Variants in SLC25A25 observed in about 807,000 individuals in gnomAD.
The protein encoded by SLC25A25 is solute carrier family 25 member 25, also known as mitochondrial adenyl nucleotide antiporter SLC25A25.
Under a neutral mutation model 57.7 loss-of-function variants are expected in SLC25A25, and 32 were observed. The observed-to-expected ratio is 0.55, with a 90% confidence interval of 0.42 to 0.74. The LOEUF (loss-of-function observed/expected upper bound fraction) is 0.74. Among genes scored for constraint, SLC25A25 ranks in the 30% least tolerant of loss-of-function variants. The pLI, the probability that SLC25A25 is intolerant of heterozygous loss-of-function variation, is 0.00. For missense variants in SLC25A25, 556 were observed against 701.3 expected, an observed-to-expected ratio of 0.79 and a Z score of 2.34; for synonymous variants, 306 against 291.2, an observed-to-expected ratio of 1.05 and a Z score of -0.52.
At position 128,080,662 on chromosome 9, in the gene SLC25A25, T is replaced by C. The variant is rs192992888; in HGVS notation, c.261+12082T>C. Among the ~76,000 whole-genome samples the C allele has an allele frequency of 1.8e-3, 281 of 152,126 alleles. 2 individuals are homozygous for C. Among genetic ancestry groups the C allele is most frequent in the African/African-American group, 6.1e-3 (255 of 41,502 alleles). ...CTGGTCTCGAACTCCCAACCTCAGG[T>C]GATCCACCCACCTCGGCCTCCCAAA... is the stretch of plus-strand genomic sequence containing the variant. On this transcript the variant is annotated intron_variant, in intron 1 of 10. Coordinates refer to ENST00000373069, the MANE Select transcript of SLC25A25 (RefSeq NM_001330988.2).
At chr9:128,087,832 C>T (rs1833311865) in intron 1 of SLC25A25, among the ~76,000 whole-genome samples, 1 of 152,152 alleles carries the variant, frequency 6.6e-6, no homozygotes, top group Admixed American at 6.5e-5. Context: ...AATCATTTTT[C>T]ATCTGAGACA....
chr9:128,077,650 G>T (rs1833048818), intron 1 of SLC25A25, among the ~76,000 whole-genome samples: 2 of 152,052 alleles, frequency 1.3e-5, no homozygotes, highest in African/African-American at 4.8e-5. Flanking sequence ...CTGGCGGGTA[G>T]AGAGATAGGA....
chr9:128,076,890 A>G (rs10119709), intron 1 of SLC25A25, among the ~76,000 whole-genome samples: 36,192 of 151,914 alleles, frequency 0.24, 5,492 homozygotes, highest in African/African-American at 0.43. Context: ...ACATGGAGAT[A>G]AGCTCTCCGG....
intron 1 of SLC25A25, among the ~76,000 whole-genome samples, chr9:128,085,156 C>T (rs1833247877): frequency 6.6e-6 from 1 of 151,966 alleles, no homozygotes; most frequent in Admixed American, 6.6e-5. Context: ...ATGGTGAAAC[C>T]CCCGTCTCTA....
In SLC25A25 at chr9:128,102,303, G is replaced by A; in HGVS notation, c.513-67G>A. ...CGAATGCCTGCCCTTGGCTCACTGG[G>A]AGGTGGGGGGATGCAGCTGGCGGAT... On this transcript the variant is annotated intron_variant, in intron 4 of 10. Coordinates refer to ENST00000373069, the MANE Select transcript of SLC25A25 (RefSeq NM_001330988.2). This position sits in a 1 kb window ranked among gnomAD's most constrained non-coding sequence, Gnocchi z 4.1. 7.4e-6 allele frequency: 11 copies of A among 1,490,982 alleles called. No homozygotes were observed. In the South Asian group the frequency reaches 1.3e-4, roughly 17 times the overall value. 92.4% of individuals were successfully genotyped at this position (1,490,982 alleles called of 1,614,324 possible).
chr9:128,098,760 A>G (rs947623), intron 1 of SLC25A25: 1,570,433 of 1,606,142 alleles, frequency 0.98, 771,089 homozygotes, highest in East Asian at 1. Flanking sequence ...GGAGAGGCGC[A>G]TTCAACCGGT....
chr9:128,105,966 T>C, intron 7 of SLC25A25, 85 bp downstream of exon 7: 1 of 1,567,756 alleles, frequency 6.4e-7, no homozygotes, highest in Non-Finnish European at 8.7e-7. Flanking sequence ...CTGAGCTCCC[T>C]GACACTTGGA....
At chr9:128,071,713 A>G in intron 1 of SLC25A25, among the ~76,000 whole-genome samples, 1 of 147,788 alleles carries the variant, frequency 6.8e-6, no homozygotes. Context: ...CGCCTGGCCT[A>G]TTTATCTATT....
chr9:128,081,288 T>G (rs1390691266), intron 1 of SLC25A25, among the ~76,000 whole-genome samples: 1 of 152,214 alleles, frequency 6.6e-6, no homozygotes, highest in Non-Finnish European at 1.5e-5. Flanking sequence ...TGGTGAGAGT[T>G]AAGTTTGTGT....
Position 128,068,331 on chromosome 9 carries a change from T to G in SLC25A25, c.12T>G (p.Ser4Arg), listed in dbSNP as rs1048608250. ...CTGCCTCGCGCCCGATGGTGAGCAG[T>G]GTGTTGTGCCGCTGTGTGGCCTCCC... MVSSVLCRCVASPP... is the reference protein window; with the variant it reads MVSRVLCRCVASPP... Residue 4 changes from serine to arginine, a missense_variant, in exon 1 of 11, where the codon AGT becomes AGG. By Grantham distance (110) the Ser-to-Arg change is moderately radical (BLOSUM62 -1). Around this residue, in one of 3 missense-constraint regions of SLC25A25, gnomAD observed 248 missense variants for 273.5 expected, o/e 0.91. Coordinates refer to ENST00000373069, the MANE Select transcript of SLC25A25 (RefSeq NM_001330988.2). The G allele has an allele frequency of 1.1e-5, 16 of 1,503,240 alleles. No homozygotes were observed. Among genetic ancestry groups the G allele is most frequent in the African/African-American group, 1.5e-5 (1 of 68,962 alleles). The allele number at this position is 1,503,240 out of a possible 1,614,324, so 93.1% of individuals were successfully genotyped here. A position where few individuals can be genotyped will look rare whatever the true frequency, so the allele number is the denominator to read the frequency against.
chr9:128,094,788 G>T (rs1302470102), intron 1 of SLC25A25, among the ~76,000 whole-genome samples: 1 of 152,162 alleles, frequency 6.6e-6, no homozygotes, highest in Non-Finnish European at 1.5e-5. Context: ...AGCTTTTGGT[G>T]GCATTGGCAG....
At chr9:128,074,012 G>A (rs903488264) in intron 1 of SLC25A25, among the ~76,000 whole-genome samples, 1 of 151,738 alleles carries the variant, frequency 6.6e-6, no homozygotes, top group Non-Finnish European at 1.5e-5. Flanking sequence ...GGGATTACAG[G>A]TGTGAGCCAC....
intron 1 of SLC25A25, among the ~76,000 whole-genome samples, chr9:128,078,181 G>A (rs933502602): frequency 6.6e-6 from 1 of 152,116 alleles, no homozygotes; most frequent in South Asian, 2.1e-4. Context: ...ACTGCATAAG[G>A]GGGGTGTGTG....
At position 128,101,222 on chromosome 9, in the gene SLC25A25, G is replaced by A; in HGVS notation, c.388G>A (p.Gly130Arg). 5 of 1,614,256 alleles carry A rather than the reference G, an allele frequency of 3.1e-6. No homozygotes were observed. The highest frequency in any genetic ancestry group is 4.2e-6 in the Non-Finnish European group (5 of 1,180,052). Reference protein sequence around the residue: ...VFKSLDKKNDGRIDAQEIMQS... With the variant: ...VFKSLDKKNDRRIDAQEIMQS... Reference sequence around the variant, plus strand: ...TAAGAGTTTGGACAAAAAGAATGATGGTAAGTGTTGCCTTCAGAGCTGTGG... The same window carrying A: ...TAAGAGTTTGGACAAAAAGAATGATAGTAAGTGTTGCCTTCAGAGCTGTGG... The change falls in exon 2 of 11, where the codon GGA (glycine) becomes AGA (arginine). Residue 130 changes from glycine (G) to arginine (R), a missense_variant and splice_region_variant. Around this residue, in one of 3 missense-constraint regions of SLC25A25, gnomAD observed 248 missense variants for 273.5 expected, o/e 0.91. Transcript: ENST00000373069. The surrounding 1 kb of genome is among the most constrained non-coding windows in gnomAD (Gnocchi z 4.9).
At chr9:128,075,223 C>T (rs551666566) in intron 1 of SLC25A25, among the ~76,000 whole-genome samples, 1 of 152,208 alleles carries the variant, frequency 6.6e-6, no homozygotes, top group Non-Finnish European at 1.5e-5. Flanking sequence ...AGGAGGATCG[C>T]TTGAGTCTGG....
At chr9:128,070,460 C>T (rs528036256) in intron 1 of SLC25A25, among the ~76,000 whole-genome samples, 6 of 151,028 alleles carry the variant, frequency 4.0e-5, no homozygotes, top group African/African-American at 1.5e-4. Flanking sequence ...AGGTTGGTCT[C>T]GGGCTCCTGA....
chr9:128,081,242 C>T (rs1297227605), intron 1 of SLC25A25, among the ~76,000 whole-genome samples: 2 of 152,216 alleles, frequency 1.3e-5, no homozygotes, highest in Non-Finnish European at 2.9e-5. Context: ...GACCTCTCTC[C>T]TGCCTGCAGT....
At chr9:128,104,976 C>T (rs1054159271) in intron 6 of SLC25A25, among the ~76,000 whole-genome samples, 3 of 150,778 alleles carry the variant, frequency 2.0e-5, no homozygotes, top group South Asian at 2.1e-4. Context: ...CAGCCTCAGC[C>T]TCCCTAGTAG....
chr9:128,092,689 T>C (rs7042793), intron 1 of SLC25A25, among the ~76,000 whole-genome samples: 32,330 of 152,152 alleles, frequency 0.21, 4,011 homozygotes, highest in African/African-American at 0.34. Flanking sequence ...TCTTTCATCC[T>C]TCCTGAGCCC....
Sources: gnomAD v4.1 joint callset for allele counts (sites outside exome capture counted in the v4.1 genomes callset) on GRCh38, gnomAD v4.1.1 for gene constraint, gnomAD v4.1.1 regional missense constraint, Gnocchi (gnomAD v3.1) non-coding constraint, MANE v1.5 for transcripts, NCBI Gene and HGNC (gene_info 2026-07-23, HGNC 2026-07-21) for gene names.